The following DOCK8 variants were observed in gnomAD, a reference collection of about 807,000 sequenced individuals.
DOCK8 encodes dedicator of cytokinesis 8.
Under a neutral mutation model 245.6 loss-of-function variants are expected in DOCK8, and 141 were observed. The observed-to-expected ratio is 0.57, with a 90% confidence interval of 0.50 to 0.66. The LOEUF (loss-of-function observed/expected upper bound fraction) is 0.66. Among genes scored for constraint, DOCK8 ranks in the 30% least tolerant of loss-of-function variants. DOCK8 has a pLI of 0.00. For missense variants in DOCK8, 2,965 were observed against 2,603.4 expected (o/e 1.14, Z -3.02); for synonymous variants, 1,168 against 970.2 (o/e 1.20, Z -3.79).
rs139013833 is a variant in DOCK8 at position 370,443 on chromosome 9, C to T, written c.1868+143C>T. On this transcript the variant is annotated intron_variant, in intron 16 of 47. Transcript: ENST00000432829. ...AAGGAAATCCATGCCAGTTCCGTGA[C>T]TCTGTGTTGAAGATGTATAACTTTG... The T allele has an allele frequency of 3.7e-4, 271 of 739,300 alleles. No individual in the cohort carries two copies. The African/African-American group carries it at 4.5e-3, about 12-fold the overall frequency. The allele number at this position is 739,300 out of a possible 1,614,324, so 45.8% of individuals were successfully genotyped here.
chr9:262,917 CTG>C (rs1307153986), intron 1 of DOCK8, among the ~76,000 whole-genome samples: 2 of 151,960 alleles, frequency 1.3e-5, no homozygotes, highest in Non-Finnish European at 2.9e-5. Flanking sequence ...CATTTAATAA[CTG>C]ATATAGGCAG....
chr9:299,526 G>C (rs910535147), intron 4 of DOCK8, among the ~76,000 whole-genome samples: 1 of 152,188 alleles, frequency 6.6e-6, no homozygotes, highest in Admixed American at 6.5e-5. Context: ...GCCTCCCAGA[G>C]TGCTGGGATT....
rs955922610 is a variant in DOCK8, at chr9:402,061, G to A, written c.3234+2802G>A. 7.5e-4 allele frequency among the ~76,000 whole-genome samples: 114 copies of A among 152,282 alleles called. 1 individual carries two copies. The highest frequency in any genetic ancestry group is 3.1e-3 in the Admixed American group (48 of 15,294). On this transcript the variant is annotated intron_variant, in intron 26 of 47. Transcript: ENST00000432829. ...CTGTTTTCAAAACTTTAAGTTGAGTGTATGAAAGATACCCTAGATCACCAC... is the reference window on the plus strand; with the variant it reads ...CTGTTTTCAAAACTTTAAGTTGAGTATATGAAAGATACCCTAGATCACCAC...
intron 8 of DOCK8, among the ~76,000 whole-genome samples, chr9:327,015 C>T (rs897024146): frequency 6.6e-6 from 1 of 152,224 alleles, no homozygotes; most frequent in African/African-American, 2.4e-5. Context: ...ACATCATGCT[C>T]TTGCTCAGAA....
intron 1 of DOCK8, among the ~76,000 whole-genome samples, chr9:267,705 T>G (rs1398384498): frequency 6.6e-6 from 1 of 152,234 alleles, no homozygotes; most frequent in Non-Finnish European, 1.5e-5. Context: ...ATATGCAGGT[T>G]TCCATGGGTC....
intron 7 of DOCK8, among the ~76,000 whole-genome samples, chr9:317,552 C>A (rs1016458479): frequency 6.6e-6 from 1 of 152,158 alleles, no homozygotes; most frequent in African/African-American, 2.4e-5. Context: ...ATGTAGAAAT[C>A]AGCCAATGCT....
At chr9:215,208 G>C in intron 1 of DOCK8, 179 bp downstream of exon 1, 3 of 1,527,372 alleles carry the variant, frequency 2.0e-6, no homozygotes, top group Non-Finnish European at 2.6e-6. Flanking sequence ...GACGCGCGGC[G>C]GCTCCTGCGC....
Position 452,026 on chromosome 9 carries a change from G to C in DOCK8, c.5977G>C (p.Ala1993Pro), listed in dbSNP as rs1293711155. 7.7e-6 allele frequency: 12 copies of C among 1,558,656 alleles called. No homozygotes were observed. The highest frequency in any genetic ancestry group is 1.0e-5 in the Non-Finnish European group (12 of 1,149,922). ...ATVNQGPLEV[A>P]QVFLAEIPAD... ...TTCCCACCAGGGACCACTGGAAGTAGCCCAAGTGTTTTTGGCTGAAATTCC... is the reference window on the plus strand; with the variant it reads ...TTCCCACCAGGGACCACTGGAAGTACCCCAAGTGTTTTTGGCTGAAATTCC... Residue 1993 changes from alanine (A) to proline (P), a missense_variant, in exon 46 of 48, where the codon GCC becomes CCC. Coordinates refer to ENST00000432829, the MANE Select transcript of DOCK8 (RefSeq NM_203447.4).
rs148081681 is a variant in DOCK8 at position 420,548 on chromosome 9, C to A, written c.3988C>A (p.Leu1330Ile). The change falls in exon 31 of 48, where the codon CTA becomes ATA. Residue 1330 changes from leucine to isoleucine, a missense_variant. Leu to Ile is a conservative substitution (Grantham distance 5, BLOSUM62 2). Transcript: ENST00000432829. ...PSTQLNRILD[L>I]LFICVLCFEY... ...AACGCAGCTCAACAGGATTTTAGAT[C>A]TACTTTTCATCTGTGTGTTATGTTT... The A allele has an allele frequency of 6.2e-7, 1 of 1,614,054 alleles. No individual in the cohort carries two copies. The highest frequency in any genetic ancestry group is 8.5e-7 in the Non-Finnish European group (1 of 1,180,044).
intron 7 of DOCK8, among the ~76,000 whole-genome samples, chr9:324,210 G>C (rs559386248): frequency 4.8e-4 from 73 of 152,288 alleles, no homozygotes; most frequent in African/African-American, 1.5e-3. Context: ...TTCCAAAGGC[G>C]CCATTTGAGC....
chr9:250,256 A>G (rs2047615310), intron 1 of DOCK8, among the ~76,000 whole-genome samples: 1 of 152,216 alleles, frequency 6.6e-6, no homozygotes, highest in Non-Finnish European at 1.5e-5. Flanking sequence ...CAGTTGGGCA[A>G]AAGAGGATAA....
chr9:349,155 C>A (rs776212604), intron 14 of DOCK8, among the ~76,000 whole-genome samples: 1 of 152,178 alleles, frequency 6.6e-6, no homozygotes, highest in Non-Finnish European at 1.5e-5. Context: ...CAAAATAAAA[C>A]AGAGCTGTGA....
At chr9:239,241 C>T (rs186361188) in intron 1 of DOCK8, among the ~76,000 whole-genome samples, 23 of 152,308 alleles carry the variant, frequency 1.5e-4, no homozygotes, top group African/African-American at 5.3e-4. Flanking sequence ...GCACACACTG[C>T]ACACACTTAA....
intron 10 of DOCK8, 109 bp downstream of exon 10, chr9:332,587 T>G (rs866761168): frequency 2.5e-5 from 15 of 608,468 alleles, no homozygotes; most frequent in Middle Eastern, 6.5e-4. Flanking sequence ...TGTCCCTATA[T>G]AAGACACTAC....
chr9:212,220 T>C (rs1431471929), upstream of DOCK8, among the ~76,000 whole-genome samples: 1 of 152,204 alleles, frequency 6.6e-6, no homozygotes, highest in African/African-American at 2.4e-5. Flanking sequence ...TAGTTGTTTG[T>C]TCAATAAAAT....
At chr9:268,932 T>A (rs562402686) in intron 1 of DOCK8, among the ~76,000 whole-genome samples, 14 of 152,250 alleles carry the variant, frequency 9.2e-5, no homozygotes, top group African/African-American at 3.1e-4. Flanking sequence ...GTCCAACTTA[T>A]AATTAAAATC....
chr9:437,505 C>T (rs2131777969), intron 39 of DOCK8, among the ~76,000 whole-genome samples: 1 of 152,314 alleles, frequency 6.6e-6, no homozygotes, highest in South Asian at 2.1e-4. Context: ...GACCCCGGGT[C>T]ATGGGTCCAC....
At chr9:358,286 A>G (rs933033330) in intron 14 of DOCK8, among the ~76,000 whole-genome samples, 4 of 151,994 alleles carry the variant, frequency 2.6e-5, no homozygotes, top group Admixed American at 6.6e-5. Flanking sequence ...ATGGGGTCTC[A>G]CTATGTTCCC....
intron 14 of DOCK8, among the ~76,000 whole-genome samples, chr9:358,674 C>A (rs2052568330): frequency 1.9e-5 from 1 of 52,698 alleles, no homozygotes; most frequent in South Asian, 1.2e-3. Context: ...CATGGTGAAA[C>A]CCTGTCTCTA....
Sources: allele counts gnomAD v4.1 joint callset (sites outside exome capture counted in the v4.1 genomes callset), GRCh38; gene constraint gnomAD v4.1.1; transcripts MANE v1.5; gene names NCBI Gene and HGNC (gene_info 2026-07-23, HGNC 2026-07-21).